GRM1: variants seen among roughly 807,000 people sequenced by gnomAD.
GRM1 encodes metabotropic glutamate receptor 1.
Under a neutral mutation model 90.9 loss-of-function variants are expected in GRM1, and 33 were observed. That is an observed-to-expected ratio of 0.36 (90% CI 0.28 to 0.49). The LOEUF (loss-of-function observed/expected upper bound fraction) is 0.49. GRM1 is among the 20% of genes least tolerant of loss of function. The probability of loss-of-function intolerance (pLI) is 0.99; values close to 1 mark genes in which losing one functional copy is unlikely to be tolerated. For synonymous variants in GRM1, 700 were observed against 613.2 expected, an observed-to-expected ratio of 1.14 and a Z score of -2.09; for missense variants, 1,190 against 1,534.3, an observed-to-expected ratio of 0.78 and a Z score of 3.75.
At chr6:146,091,279 T>C (rs10457792) in intron 1 of GRM1, among the ~76,000 whole-genome samples, 58,311 of 151,904 alleles carry the variant, frequency 0.38, 11,754 homozygotes, top group Middle Eastern at 0.52. Flanking sequence ...AAAGAGTACC[T>C]TTTCAGGAAG....
chr6:146,123,044 C>T (rs1776056615), intron 1 of GRM1, among the ~76,000 whole-genome samples: 1 of 151,782 alleles, frequency 6.6e-6, no homozygotes, highest in African/African-American at 2.4e-5. Context: ...GGGGTTTCAC[C>T]ATGCTGGCCA....
chr6:146,228,014 A>G (rs1780309249), intron 2 of GRM1, among the ~76,000 whole-genome samples: 1 of 152,146 alleles, frequency 6.6e-6, no homozygotes, highest in Non-Finnish European at 1.5e-5. Context: ...ACTTACTCTC[A>G]AAGTTTTCTC....
intron 1 of GRM1, among the ~76,000 whole-genome samples, chr6:146,114,593 A>G (rs1775674298): frequency 6.6e-6 from 1 of 152,174 alleles, no homozygotes. Context: ...AATCATGGTA[A>G]ATTGGTATCA....
chr6:146,196,917 A>G (rs1302749482), intron 2 of GRM1, among the ~76,000 whole-genome samples: 1 of 152,234 alleles, frequency 6.6e-6, no homozygotes, highest in Non-Finnish European at 1.5e-5. Context: ...TCTGTGAAAG[A>G]TACAAGAGAA....
intron 3 of GRM1, among the ~76,000 whole-genome samples, chr6:146,331,380 C>T (rs1784583555): frequency 1.3e-5 from 2 of 152,026 alleles, no homozygotes; most frequent in Admixed American, 6.6e-5. Flanking sequence ...TGTGTTTTTA[C>T]ATTTTTACTA....
At position 146,254,865 on chromosome 6, in the gene GRM1, A is replaced by C. The variant is rs564029861; in HGVS notation, c.951-49746A>C. ...TGCCTCCCACTCTCCCATGAAATAA[A>C]ATCACAGTCAGTGACTGAATGACCA... On this transcript the variant is annotated intron_variant, in intron 2 of 7. Coordinates refer to ENST00000282753, the MANE Select transcript of GRM1 (RefSeq NM_001278064.2). 1.2e-3 allele frequency among the ~76,000 whole-genome samples: 189 copies of C among 152,326 alleles called. 1 individual carries two copies. The highest frequency in any genetic ancestry group is 4.8e-3 in the Admixed American group (74 of 15,298).
chr6:146,183,476 C>T (rs769846996), intron 2 of GRM1, among the ~76,000 whole-genome samples: 11 of 151,996 alleles, frequency 7.2e-5, no homozygotes, highest in East Asian at 1.9e-4. Flanking sequence ...AATAAAGTGA[C>T]GGAGGTAGAG....
chr6:146,313,459 G>T (rs1198200963), intron 3 of GRM1, among the ~76,000 whole-genome samples: 1 of 152,104 alleles, frequency 6.6e-6, no homozygotes, highest in Non-Finnish European at 1.5e-5. Context: ...TATCTATTTA[G>T]GTTAGTATCT....
Position 146,372,113 on chromosome 6 carries a change from G to A in GRM1, c.1602+14419G>A, listed in dbSNP as rs112053593. Among the ~76,000 whole-genome samples, 21 of 151,960 alleles carry A rather than the reference G, an allele frequency of 1.4e-4. 1 individual carries two copies. Among genetic ancestry groups the A allele is most frequent in the African/African-American group, 3.9e-4 (16 of 41,474 alleles). ...AGGATTCCGTTTTCTTCTCATCTTCGCCAGCATTTGTCATTGCCTGTCATT... is the reference window on the plus strand; with the variant it reads ...AGGATTCCGTTTTCTTCTCATCTTCACCAGCATTTGTCATTGCCTGTCATT... On this transcript the variant is annotated intron_variant, in intron 5 of 7. Coordinates refer to ENST00000282753, the MANE Select transcript of GRM1 (RefSeq NM_001278064.2).
At chr6:146,224,077 T>C (rs1780159131) in intron 2 of GRM1, among the ~76,000 whole-genome samples, 1 of 152,080 alleles carries the variant, frequency 6.6e-6, no homozygotes, top group Non-Finnish European at 1.5e-5. Context: ...AGAAACCTCA[T>C]TGGCCTAGAT....
At chr6:146,229,973 G>C (rs1780388284) in intron 2 of GRM1, among the ~76,000 whole-genome samples, 1 of 152,100 alleles carries the variant, frequency 6.6e-6, no homozygotes, top group Non-Finnish European at 1.5e-5. Flanking sequence ...TATACTTTCT[G>C]TCTAATATAA....
At position 146,434,780 on chromosome 6, in the gene GRM1, G is replaced by A. The variant is rs748391500; in HGVS notation, c.3569G>A (p.Ser1190Asn). ...ASVILRDYKQ[S>N]SSTL ...GTCATTCTGCGGGACTACAAGCAAAGCTCTTCCACCCTGTAAGGGGGAAGG... is the reference window on the plus strand; with the variant it reads ...GTCATTCTGCGGGACTACAAGCAAAACTCTTCCACCCTGTAAGGGGGAAGG... The change falls in exon 8 of 8, where the codon AGC (serine) becomes AAC (asparagine). Residue 1190 changes from serine to asparagine, a missense_variant. Physicochemically the swap from Ser to Asn is conservative, Grantham distance 46 (BLOSUM62 1). Transcript: ENST00000282753. The A allele has an allele frequency of 1.3e-6, 2 of 1,599,024 alleles. No homozygotes were observed. Among genetic ancestry groups the A allele is most frequent in the Non-Finnish European group, 1.7e-6 (2 of 1,179,726 alleles).
chr6:146,222,434 C>CA (rs1780096580), intron 2 of GRM1, among the ~76,000 whole-genome samples: 1 of 151,854 alleles, frequency 6.6e-6, no homozygotes, highest in African/African-American at 2.4e-5. Context: ...TGCATGTGTG[C>CA]AAAATCCCAA....
intron 2 of GRM1, among the ~76,000 whole-genome samples, chr6:146,284,833 C>G (rs1782699291): frequency 6.6e-6 from 1 of 152,266 alleles, no homozygotes; most frequent in South Asian, 2.1e-4. Flanking sequence ...TACCCAGCCT[C>G]AGGTAGTGTC....
intron 2 of GRM1, among the ~76,000 whole-genome samples, chr6:146,293,730 G>T (rs1390776075): frequency 6.6e-6 from 1 of 151,480 alleles, no homozygotes; most frequent in Non-Finnish European, 1.5e-5. Flanking sequence ...GGTAAATCTA[G>T]TATTATTTTA....
chr6:146,074,315 A>G (rs1275812783), intron 1 of GRM1, among the ~76,000 whole-genome samples: 2 of 152,050 alleles, frequency 1.3e-5, no homozygotes, highest in African/African-American at 4.8e-5. Context: ...GTTGTTTCCT[A>G]GTCACCTGCT....
At chr6:146,168,092 G>T (rs1408298187) in intron 2 of GRM1, among the ~76,000 whole-genome samples, 3 of 151,878 alleles carry the variant, frequency 2.0e-5, no homozygotes, top group African/African-American at 7.2e-5. Flanking sequence ...GAATATCCCA[G>T]TCGTTTGAGA....
intron 7 of GRM1, among the ~76,000 whole-genome samples, chr6:146,409,179 G>T (rs1220321816): frequency 6.6e-6 from 1 of 152,134 alleles, no homozygotes; most frequent in Non-Finnish European, 1.5e-5. Context: ...CTTGCCTCCT[G>T]TCTCGCCCTA....
At chr6:146,368,263 G>A (rs973847144) in intron 5 of GRM1, among the ~76,000 whole-genome samples, 1 of 138,010 alleles carries the variant, frequency 7.2e-6, no homozygotes, top group African/African-American at 2.7e-5. Flanking sequence ...TTTTTTTTGG[G>A]GGGGGGGGTA....
Sources: allele counts gnomAD v4.1 joint callset (sites outside exome capture counted in the v4.1 genomes callset), GRCh38; gene constraint gnomAD v4.1.1; transcripts MANE v1.5; gene names NCBI Gene and HGNC (gene_info 2026-07-23, HGNC 2026-07-21).